Variants in HERC2 observed in about 807,000 individuals in gnomAD.
The protein encoded by HERC2 is HECT and RLD domain containing E3 ubiquitin protein ligase 2.
A neutral mutation model predicts 537.7 loss-of-function variants in HERC2; 102 were observed. That is an observed-to-expected ratio of 0.19 (90% CI 0.16 to 0.22). HERC2 has a LOEUF of 0.22. Among genes scored for constraint, HERC2 ranks in the 10% least tolerant of loss-of-function variants. The probability of loss-of-function intolerance (pLI) is 1.00; values close to 1 mark genes in which losing one functional copy is unlikely to be tolerated. For synonymous variants in HERC2, 2,224 were observed against 2,466.2 expected (o/e 0.90, Z 2.91); for missense variants, 4,236 against 6,198.2 (o/e 0.68, Z 10.63).
At chr15:28,239,643 G>A (rs1283198026) in intron 23 of HERC2, among the ~76,000 whole-genome samples, 2 of 146,170 alleles carry the variant, frequency 1.4e-5, no homozygotes, top group African/African-American at 2.6e-5. Context: ...AAAGCATGCA[G>A]CATGACCCCA....
At chr15:28,162,571 T>C (rs1893714358) in intron 69 of HERC2, among the ~76,000 whole-genome samples, 1 of 152,116 alleles carries the variant, frequency 6.6e-6, no homozygotes, top group South Asian at 2.1e-4. Flanking sequence ...CAAATCATTT[T>C]AAAAAGATGC....
rs753784290 is a variant in HERC2, at chr15:28,265,891, G to T, written c.1682C>A (p.Thr561Asn). The T allele has an allele frequency of 6.2e-7, 1 of 1,614,184 alleles. No homozygotes were observed. Among genetic ancestry groups the T allele is most frequent in the Non-Finnish European group, 8.5e-7 (1 of 1,180,042 alleles). Residue 561 changes from threonine (T) to asparagine (N), a missense_variant, in exon 13 of 93, where the codon ACT becomes AAT. Around this residue, in one of 27 missense-constraint regions of HERC2, gnomAD observed 754 missense variants for 1,085.0 expected, o/e 0.69. Transcript: ENST00000261609. The surrounding 1 kb of genome is among the most constrained non-coding windows in gnomAD (Gnocchi z 4.0). ...CTCGGCAGTGATGGCCGCACTGTAA[G>T]TGCTCCCGCAAGCGATGTGCACCAC... Reference protein sequence around the residue: ...KHVVHIACGSTYSAAITAEGE... With the variant: ...KHVVHIACGSNYSAAITAEGE...
chr15:28,238,052 T>C, intron 25 of HERC2, 62 bp downstream of exon 25: 1 of 956,296 alleles, frequency 1.0e-6, no homozygotes, highest in Non-Finnish European at 1.7e-6. Context: ...AATATTCCTA[T>C]CACAAACACA....
At chr15:28,112,163 T>C in intron 92 of HERC2, 128 bp from the exon 93 acceptor site, 1 of 871,048 alleles carries the variant, frequency 1.1e-6, no homozygotes, top group Non-Finnish European at 1.8e-6. Context: ...GAAAACATAA[T>C]CCAAACAACT....
At chr15:28,156,241 T>C (rs1892998192) in intron 69 of HERC2, among the ~76,000 whole-genome samples, 2 of 152,246 alleles carry the variant, frequency 1.3e-5, no homozygotes, top group African/African-American at 4.8e-5. Flanking sequence ...GACTTGGCAA[T>C]GCGGGCTCTT....
intron 81 of HERC2, among the ~76,000 whole-genome samples, chr15:28,131,870 C>G (rs963546351): frequency 1.3e-5 from 2 of 152,214 alleles, no homozygotes; most frequent in African/African-American, 4.8e-5. Flanking sequence ...CTCAAGAGAA[C>G]GCACACAGCA....
At chr15:28,318,095 G>A (rs1268129423) in intron 2 of HERC2, among the ~76,000 whole-genome samples, 4 of 152,092 alleles carry the variant, frequency 2.6e-5, no homozygotes, top group African/African-American at 9.7e-5. Flanking sequence ...CTGGCGAACA[G>A]GCATGTGTTT....
chr15:28,264,486 T>TC (rs900728863), intron 14 of HERC2, among the ~76,000 whole-genome samples: 2 of 151,984 alleles, frequency 1.3e-5, no homozygotes, highest in African/African-American at 4.8e-5. Context: ...TTTCCCACTG[T>TC]CCCCCAAGGC....
Position 28,199,987 on chromosome 15 carries a change from G to T in HERC2, c.7717-1218C>A, listed in dbSNP as rs554472999. ...TTGTGTCCCCCCCACCAAAATTCAT[G>T]AAGTCCCAACTCCTAATGTGGCAGT... On this transcript the variant is annotated intron_variant, in intron 48 of 92. Transcript: ENST00000261609. 1.0e-3 allele frequency among the ~76,000 whole-genome samples: 159 copies of T among 152,312 alleles called. No homozygotes were observed. The Middle Eastern group carries it at 0.02, about 20-fold the overall frequency.
At chr15:28,240,063 T>A (rs72714148) in intron 23 of HERC2, among the ~76,000 whole-genome samples, 33,225 of 151,798 alleles carry the variant, frequency 0.22, 7,184 homozygotes, top group African/African-American at 0.55. Flanking sequence ...GGTTTTTTTT[T>A]AAATCCTTAT....
At chr15:28,303,792 T>C in intron 2 of HERC2, among the ~76,000 whole-genome samples, 1 of 152,238 alleles carries the variant, frequency 6.6e-6, no homozygotes, top group East Asian at 1.9e-4. Context: ...TATTCCTACG[T>C]ATTTTACTTT....
intron 24 of HERC2, among the ~76,000 whole-genome samples, 177 bp downstream of exon 24, chr15:28,238,425 C>G (rs868842243): frequency 1.3e-5 from 2 of 152,136 alleles, no homozygotes; most frequent in Non-Finnish European, 2.9e-5. Flanking sequence ...AATGCATAAT[C>G]AAAGGAAATT....
At chr15:28,153,013 G>A (rs1209418122) in intron 69 of HERC2, among the ~76,000 whole-genome samples, 183 bp from the exon 70 acceptor site, 2 of 152,190 alleles carry the variant, frequency 1.3e-5, no homozygotes, top group African/African-American at 4.8e-5. Context: ...AACAGAGACA[G>A]CACAGAGCCT....
intron 16 of HERC2, among the ~76,000 whole-genome samples, chr15:28,258,935 A>G (rs2075342311): frequency 6.6e-6 from 1 of 152,258 alleles, no homozygotes; most frequent in African/African-American, 2.4e-5. Flanking sequence ...AGACAGCAAG[A>G]GAATACTAAG....
At chr15:28,301,722 G>C (rs1320222137) in intron 2 of HERC2, among the ~76,000 whole-genome samples, 1 of 45,402 alleles carries the variant, frequency 2.2e-5, no homozygotes, top group Non-Finnish European at 4.1e-5. Flanking sequence ...ATACACACTA[G>C]TTGTATGTAT....
intron 78 of HERC2, among the ~76,000 whole-genome samples, chr15:28,138,311 G>T (rs890568087): frequency 7.9e-5 from 12 of 152,204 alleles, no homozygotes; most frequent in African/African-American, 2.9e-4. Flanking sequence ...ATTGGAAGAA[G>T]ATGCCAGCTA....
intron 69 of HERC2, among the ~76,000 whole-genome samples, chr15:28,157,056 A>G (rs1893084534): frequency 6.6e-6 from 1 of 152,118 alleles, no homozygotes; most frequent in Admixed American, 6.5e-5. Context: ...ACGTTTATTG[A>G]TTTGCATATG....
chr15:28,112,019 T>C lies in HERC2; in HGVS notation c.14249A>G (p.Asn4750Ser), dbSNP rs777407964. 1.3e-5 allele frequency: 21 copies of C among 1,613,276 alleles called. No homozygotes were observed. The highest frequency in any genetic ancestry group is 2.2e-5 in the East Asian group (1 of 44,806). ...DFVIQVLDKY[N>S]PPDHFLPESY... ...CTCAGGGAGGAAGTGGTCTGGAGGG[T>C]TGTATTTATCCAACACCTGTTGAGC... Residue 4750 changes from asparagine to serine, a missense_variant, in exon 93 of 93, where the codon AAC becomes AGC. Asn to Ser is a conservative substitution (Grantham distance 46, BLOSUM62 1). Around this residue, in one of 27 missense-constraint regions of HERC2, gnomAD observed 313 missense variants for 462.6 expected, o/e 0.68. Transcript: ENST00000261609.
chr15:28,119,683 G>T (rs117307132), intron 86 of HERC2, among the ~76,000 whole-genome samples: 1,696 of 152,088 alleles, frequency 0.011, 20 homozygotes, highest in Non-Finnish European at 0.016. Context: ...CAGACTCCTA[G>T]GCTCAAGCAA....
Sources: gnomAD v4.1 joint callset for allele counts (sites outside exome capture counted in the v4.1 genomes callset) on GRCh38, gnomAD v4.1.1 for gene constraint, gnomAD v4.1.1 regional missense constraint, Gnocchi (gnomAD v3.1) non-coding constraint, MANE v1.5 for transcripts, NCBI Gene and HGNC (gene_info 2026-07-23, HGNC 2026-07-21) for gene names.